The following CTNNA3 variants were observed in gnomAD, a reference collection of about 807,000 sequenced individuals.
CTNNA3 encodes the protein catenin alpha 3.
In CTNNA3, 76 loss-of-function variants were observed where a neutral mutation model predicts 95.7. The ratio of observed to expected loss-of-function variants is 0.79; its 90% CI spans 0.66 to 0.96. The LOEUF (loss-of-function observed/expected upper bound fraction) is 0.96. Among genes scored for constraint, CTNNA3 ranks in the 40% least tolerant of loss-of-function variants. CTNNA3 has a pLI of 0.00. For synonymous variants in CTNNA3, 431 were observed against 374.4 expected (o/e 1.15, Z -1.74); for missense variants, 1,191 against 1,089.8 (o/e 1.09, Z -1.31).
At chr10:66,482,498 C>T (rs1203681423) in intron 11 of CTNNA3, among the ~76,000 whole-genome samples, 1 of 151,994 alleles carries the variant, frequency 6.6e-6, no homozygotes, top group Non-Finnish European at 1.5e-5. Flanking sequence ...TATCATTGGC[C>T]GCACTGCTTT....
intron 9 of CTNNA3, among the ~76,000 whole-genome samples, chr10:66,754,482 T>A (rs1839287269): frequency 6.6e-6 from 1 of 151,936 alleles, no homozygotes; most frequent in East Asian, 1.9e-4. Context: ...TGAAACCAAA[T>A]GCACAAATGA....
intron 10 of CTNNA3, 26 bp downstream of exon 10, chr10:66,621,666 C>A: frequency 1.5e-6 from 2 of 1,350,902 alleles, no homozygotes; most frequent in Non-Finnish European, 1.0e-6. Context: ...TAATTTTACA[C>A]ACAAAAAGTA....
At chr10:67,187,834 C>A (rs768561171) in intron 6 of CTNNA3, among the ~76,000 whole-genome samples, 3 of 152,144 alleles carry the variant, frequency 2.0e-5, no homozygotes, top group African/African-American at 4.8e-5. Flanking sequence ...AATCCACCTG[C>A]CTTGACCTCC....
At chr10:66,672,304 A>G (rs1307652303) in intron 9 of CTNNA3, among the ~76,000 whole-genome samples, 2 of 152,172 alleles carry the variant, frequency 1.3e-5, no homozygotes, top group Non-Finnish European at 2.9e-5. Flanking sequence ...GAAGATATAA[A>G]GAGCTGAATT....
At chr10:66,068,291 T>C (rs955062409) in intron 15 of CTNNA3, among the ~76,000 whole-genome samples, 1 of 152,182 alleles carries the variant, frequency 6.6e-6, no homozygotes, top group Non-Finnish European at 1.5e-5. Flanking sequence ...GTATTCTTTA[T>C]ATATAAATGG....
At chr10:66,350,538 CA>C (rs2092558879) in intron 12 of CTNNA3, among the ~76,000 whole-genome samples, 1 of 143,956 alleles carries the variant, frequency 6.9e-6, no homozygotes, top group South Asian at 2.2e-4. Context: ...AACGTAGCTC[CA>C]GAAAAAAAAA....
At chr10:66,716,574 T>C (rs1848456367) in intron 9 of CTNNA3, among the ~76,000 whole-genome samples, 1 of 152,160 alleles carries the variant, frequency 6.6e-6, no homozygotes, top group African/African-American at 2.4e-5. Flanking sequence ...GAGTTACAGA[T>C]TGCACTGAGC....
chr10:66,747,205 C>T (rs1838920897), intron 9 of CTNNA3, among the ~76,000 whole-genome samples: 1 of 152,054 alleles, frequency 6.6e-6, no homozygotes, highest in Non-Finnish European at 1.5e-5. Context: ...TTGTCTCGGG[C>T]CTTAATGCTT....
At chr10:67,657,847 CAAAAAAAAAA>C (rs200763142) in intron 1 of CTNNA3, among the ~76,000 whole-genome samples, 33 of 40,390 alleles carry the variant, frequency 8.2e-4, no homozygotes, top group African/African-American at 1.4e-3. Context: ...AATTCCATCT[CAAAAAAAAAA>C]AAAAAAAAAA....
At chr10:66,925,871 CG>C (rs1847036311) in intron 7 of CTNNA3, 1 of 349,906 alleles carries the variant, frequency 2.9e-6, no homozygotes, top group Non-Finnish European at 5.7e-6. Context: ...TTATTGATCA[CG>C]GTGACCATTC....
At chr10:66,015,306 T>G (rs1360048100) in intron 15 of CTNNA3, among the ~76,000 whole-genome samples, 1 of 152,056 alleles carries the variant, frequency 6.6e-6, no homozygotes, top group East Asian at 1.9e-4. Flanking sequence ...GTGGTAGAAA[T>G]GAAACCACTA....
intron 12 of CTNNA3, among the ~76,000 whole-genome samples, chr10:66,367,880 A>AATTATTATT: frequency 2.1e-5 from 1 of 47,172 alleles, no homozygotes; most frequent in African/African-American, 9.9e-5. Context: ...TAATAATAAT[A>AATTATTATT]ATTATTATTA....
intron 13 of CTNNA3, among the ~76,000 whole-genome samples, chr10:66,190,262 G>A (rs1236833749): frequency 6.6e-6 from 1 of 152,162 alleles, no homozygotes; most frequent in Non-Finnish European, 1.5e-5. Flanking sequence ...GGAATACAAT[G>A]AGATGACAAG....
At chr10:66,693,607 G>A (rs77833255) in intron 9 of CTNNA3, among the ~76,000 whole-genome samples, 4,194 of 151,450 alleles carry the variant, frequency 0.028, 178 homozygotes, top group East Asian at 0.21. Context: ...TGCACCAAGC[G>A]GACCTAATAG....
intron 7 of CTNNA3, among the ~76,000 whole-genome samples, chr10:66,879,478 TTC>T (rs1844759797): frequency 1.3e-5 from 2 of 152,134 alleles, no homozygotes; most frequent in African/African-American, 4.8e-5. Flanking sequence ...TAGTCAATCA[TTC>T]AGGCATCTAT....
intron 13 of CTNNA3, among the ~76,000 whole-genome samples, chr10:66,197,443 G>A (rs2087039444): frequency 6.6e-6 from 1 of 151,852 alleles, no homozygotes; most frequent in Non-Finnish European, 1.5e-5. Flanking sequence ...CAGCTACTTT[G>A]ATCTCATAAA....
At chr10:67,587,884 G>T (rs543678736) in intron 3 of CTNNA3, among the ~76,000 whole-genome samples, 6 of 151,998 alleles carry the variant, frequency 3.9e-5, no homozygotes, top group East Asian at 1.9e-4. Flanking sequence ...CTTCTCAAAG[G>T]CTTTGTTCAT....
At chr10:67,601,597 C>G (rs1843085907) in intron 3 of CTNNA3, among the ~76,000 whole-genome samples, 1 of 152,150 alleles carries the variant, frequency 6.6e-6, no homozygotes, top group South Asian at 2.1e-4. Context: ...GTAATAGAAA[C>G]TATATAAAGG....
intron 9 of CTNNA3, among the ~76,000 whole-genome samples, chr10:66,684,789 C>T (rs573102932): frequency 6.6e-6 from 1 of 152,024 alleles, no homozygotes; most frequent in African/African-American, 2.4e-5. Flanking sequence ...ATTCTAGAGG[C>T]TACATATGCT....
Sources: allele counts gnomAD v4.1 joint callset (sites outside exome capture counted in the v4.1 genomes callset), GRCh38; gene constraint gnomAD v4.1.1; transcripts MANE v1.5; gene names NCBI Gene and HGNC (gene_info 2026-07-23, HGNC 2026-07-21).